Variants in CTNNA3 observed in about 807,000 individuals in gnomAD.
The protein encoded by CTNNA3 is catenin alpha 3.
CTNNA3 carries 76 observed loss-of-function variants against 95.7 expected under a neutral mutation model. The ratio of observed to expected loss-of-function variants is 0.79; its 90% CI spans 0.66 to 0.96. The LOEUF (loss-of-function observed/expected upper bound fraction) is 0.96. Among genes scored for constraint, CTNNA3 ranks in the 40% least tolerant of loss-of-function variants. The pLI is 0.00. For missense variants in CTNNA3, 1,191 were observed against 1,089.8 expected (o/e 1.09, Z -1.31); for synonymous variants, 431 against 374.4 (o/e 1.15, Z -1.74).
intron 11 of CTNNA3, among the ~76,000 whole-genome samples, chr10:66,401,459 G>A (rs952032740): frequency 6.6e-6 from 1 of 151,366 alleles, no homozygotes; most frequent in Non-Finnish European, 1.5e-5. Flanking sequence ...GGAGGTTGCT[G>A]TGAGCCAAGA....
chr10:65,995,841 G>A (rs1486780659), intron 15 of CTNNA3, among the ~76,000 whole-genome samples: 3 of 152,192 alleles, frequency 2.0e-5, no homozygotes, highest in South Asian at 2.1e-4. Context: ...GTGGTAGTGG[G>A]TGGGGCAAGA....
intron 9 of CTNNA3, among the ~76,000 whole-genome samples, chr10:66,715,787 A>G (rs1352544136): frequency 6.6e-6 from 1 of 152,104 alleles, no homozygotes; most frequent in African/African-American, 2.4e-5. Flanking sequence ...CATCAAAATT[A>G]TATTGCTATG....
chr10:66,477,872 T>C (rs7910734), intron 11 of CTNNA3, among the ~76,000 whole-genome samples: 9,396 of 152,046 alleles, frequency 0.062, 607 homozygotes, highest in African/African-American at 0.16. Flanking sequence ...ATAAGTAACA[T>C]CAACAGGCCC....
chr10:67,615,983 TG>T (rs1843644055), intron 2 of CTNNA3, among the ~76,000 whole-genome samples: 1 of 151,950 alleles, frequency 6.6e-6, no homozygotes. Flanking sequence ...TATTGACAGA[TG>T]CTATGAGGAA....
At chr10:67,221,285 A>C (rs1343806720) in intron 5 of CTNNA3, among the ~76,000 whole-genome samples, 1 of 152,220 alleles carries the variant, frequency 6.6e-6, no homozygotes, top group Non-Finnish European at 1.5e-5. Flanking sequence ...TGTAAATCTA[A>C]AATTACTCCC....
chr10:66,830,932 C>G (rs1205029515), intron 7 of CTNNA3, among the ~76,000 whole-genome samples: 1 of 151,902 alleles, frequency 6.6e-6, no homozygotes, highest in Non-Finnish European at 1.5e-5. Context: ...TTTAAGCAAC[C>G]TTTATGTCCT....
At chr10:66,689,674 T>C (rs10997307) in intron 9 of CTNNA3, among the ~76,000 whole-genome samples, 27,108 of 152,072 alleles carry the variant, frequency 0.18, 3,060 homozygotes, top group East Asian at 0.34. Flanking sequence ...ATATTGAATG[T>C]TGCCTCACTC....
At chr10:67,071,911 C>T (rs921265731) in intron 7 of CTNNA3, among the ~76,000 whole-genome samples, 1 of 152,040 alleles carries the variant, frequency 6.6e-6, no homozygotes, top group Non-Finnish European at 1.5e-5. Context: ...AGAGGTAGGA[C>T]TTTGTTTTGT....
chr10:67,415,767 C>T (rs1845518635), intron 5 of CTNNA3, among the ~76,000 whole-genome samples: 1 of 152,092 alleles, frequency 6.6e-6, no homozygotes, highest in Non-Finnish European at 1.5e-5. Flanking sequence ...ATATGGTAAT[C>T]AAAACAGCAT....
chr10:67,006,787 A>G (rs1421944171), intron 7 of CTNNA3, among the ~76,000 whole-genome samples: 1 of 135,282 alleles, frequency 7.4e-6, no homozygotes, highest in Non-Finnish European at 1.6e-5. Flanking sequence ...CCTCAAAATT[A>G]CAGTCTTAAA....
At chr10:67,403,419 C>T (rs12250958) in intron 5 of CTNNA3, 7,381 of 152,334 alleles carry the variant, frequency 0.048, 214 homozygotes, top group South Asian at 0.098. Flanking sequence ...TCCCCAGCAA[C>T]GCATGGCTGT....
rs140626634 is a variant in CTNNA3, at chr10:66,239,859, T to C, written c.1884+40611A>G. ...AATCCTATACATTATCTTTGCCCAA[T>C]GTGTTTAGTTTAAATTCCTCTGCCC... On this transcript the variant is annotated intron_variant, in intron 13 of 17. Transcript: ENST00000433211. Among the ~76,000 whole-genome samples, 667 of 152,070 alleles carry C rather than the reference T, an allele frequency of 4.4e-3. 1 individual carries two copies. Among genetic ancestry groups the C allele is most frequent in the African/African-American group, 0.015 (630 of 41,552 alleles).
rs1272614986 is a variant in CTNNA3, at chr10:67,633,457, A to T, written c.99+13958T>A. On this transcript the variant is annotated intron_variant, in intron 2 of 17. Transcript: ENST00000433211. ...GAGCCCTCCCAACAGGAGTCTACAGACACTTCCTACAGGCACATTAGGAAC... is the reference window on the plus strand; with the variant it reads ...GAGCCCTCCCAACAGGAGTCTACAGTCACTTCCTACAGGCACATTAGGAAC... Among the ~76,000 whole-genome samples the T allele has an allele frequency of 5.3e-5, 8 of 152,280 alleles. No individual in the cohort carries two copies. The East Asian group carries it at 1.5e-3, about 29-fold the overall frequency.
At chr10:66,663,261 C>G (rs954842768) in intron 9 of CTNNA3, among the ~76,000 whole-genome samples, 2 of 151,964 alleles carry the variant, frequency 1.3e-5, no homozygotes, top group African/African-American at 4.8e-5. Context: ...TTACAATGGC[C>G]TAAAAGCTGG....
intron 7 of CTNNA3, among the ~76,000 whole-genome samples, chr10:67,045,747 T>G (rs1318817994): frequency 6.6e-6 from 1 of 152,136 alleles, no homozygotes; most frequent in East Asian, 1.9e-4. Context: ...CCCCTCTGTT[T>G]TTTTTAAAGA....
intron 13 of CTNNA3, among the ~76,000 whole-genome samples, chr10:66,202,404 C>T (rs1399727376): frequency 6.6e-6 from 1 of 152,190 alleles, no homozygotes; most frequent in Non-Finnish European, 1.5e-5. Context: ...AAGGTACAAC[C>T]AATCTGGCTG....
intron 17 of CTNNA3, among the ~76,000 whole-genome samples, chr10:65,961,920 G>A (rs942046191): frequency 7.2e-5 from 11 of 151,986 alleles, no homozygotes; most frequent in South Asian, 4.2e-4. Context: ...AACGAGAGCC[G>A]GAAGCCAAGA....
chr10:67,685,611 G>A (rs915690774), intron 1 of CTNNA3, among the ~76,000 whole-genome samples: 8 of 152,164 alleles, frequency 5.3e-5, no homozygotes, highest in African/African-American at 9.7e-5. Context: ...CAGTGCTTTC[G>A]GGCTACACCC....
intron 7 of CTNNA3, among the ~76,000 whole-genome samples, chr10:67,095,880 A>G (rs1857959717): frequency 6.6e-6 from 1 of 151,862 alleles, no homozygotes; most frequent in Non-Finnish European, 1.5e-5. Context: ...ATAAAAATGT[A>G]TTTTAGTTAT....
Sources: allele counts gnomAD v4.1 joint callset (sites outside exome capture counted in the v4.1 genomes callset), GRCh38; gene constraint gnomAD v4.1.1; transcripts MANE v1.5; gene names NCBI Gene and HGNC (gene_info 2026-07-23, HGNC 2026-07-21).